The following FAM168A variants were observed in gnomAD, a reference collection of about 807,000 sequenced individuals.
The protein encoded by FAM168A is protein FAM168A.
A neutral mutation model predicts 28.5 loss-of-function variants in FAM168A; 3 were observed. The ratio of observed to expected loss-of-function variants is 0.11; its 90% confidence interval spans 0.05 to 0.27. FAM168A has a LOEUF of 0.27. FAM168A is among the 10% of genes least tolerant of loss of function. The probability of loss-of-function intolerance (pLI) is 1.00; values close to 1 mark genes in which losing one functional copy is unlikely to be tolerated. For synonymous variants in FAM168A, 122 were observed against 124.2 expected (o/e 0.98, Z 0.12); for missense variants, 222 against 311.5 (o/e 0.71, Z 2.16).
At chr11:73,547,337 C>A (rs1943771849) in intron 1 of FAM168A, among the ~76,000 whole-genome samples, 1 of 151,430 alleles carries the variant, frequency 6.6e-6, no homozygotes, top group African/African-American at 2.4e-5. Flanking sequence ...AAAAAAAAAT[C>A]CAAGACAAAA....
At chr11:73,410,278 C>T (rs1219100649) in intron 5 of FAM168A, among the ~76,000 whole-genome samples, 1 of 152,060 alleles carries the variant, frequency 6.6e-6, no homozygotes, top group East Asian at 1.9e-4. Context: ...CATGGTGGCA[C>T]ATGCCTGTGG....
chr11:73,555,509 A>G (rs1943879135), intron 1 of FAM168A, among the ~76,000 whole-genome samples: 2 of 152,104 alleles, frequency 1.3e-5, no homozygotes, highest in African/African-American at 4.8e-5. Flanking sequence ...GCTCGAGACC[A>G]GCCTGGCGAA....
intron 2 of FAM168A, among the ~76,000 whole-genome samples, chr11:73,443,390 G>T (rs925916479): frequency 3.9e-5 from 6 of 152,136 alleles, no homozygotes; most frequent in Non-Finnish European, 8.8e-5. Flanking sequence ...TAATGAGAAA[G>T]ACAAGCAAGA....
intron 1 of FAM168A, among the ~76,000 whole-genome samples, chr11:73,496,779 C>T (rs572970178): frequency 4.1e-4 from 63 of 151,934 alleles, no homozygotes; most frequent in Non-Finnish European, 6.5e-4. Context: ...CCAGGATGGT[C>T]TTGATCTCCT....
chr11:73,427,720 A>G (rs771641948), intron 3 of FAM168A, among the ~76,000 whole-genome samples: 1 of 152,258 alleles, frequency 6.6e-6, no homozygotes, highest in Non-Finnish European at 1.5e-5. Context: ...AAAACATTCA[A>G]TAAATAGTAG....
chr11:73,409,032 GCCAGAGAATGTTTAAA>G (rs1359143928), intron 6 of FAM168A, among the ~76,000 whole-genome samples: 2 of 151,984 alleles, frequency 1.3e-5, no homozygotes, highest in Non-Finnish European at 2.9e-5. Flanking sequence ...CCACTCTGCA[GCCAGAGAATGTTTAAA>G]CCTAACCACA....
chr11:73,533,008 T>C (rs982876584), intron 1 of FAM168A, among the ~76,000 whole-genome samples: 3 of 152,242 alleles, frequency 2.0e-5, no homozygotes, highest in Non-Finnish European at 4.4e-5. Context: ...ACCTTAAGAA[T>C]TTGACCTTCT....
At chr11:73,574,848 G>A (rs1944152975) in intron 1 of FAM168A, among the ~76,000 whole-genome samples, 2 of 150,664 alleles carry the variant, frequency 1.3e-5, no homozygotes, top group African/African-American at 2.4e-5. Context: ...ACAGGTGTGA[G>A]CCACCGTGCC....
At chr11:73,495,592 T>C (rs907539422) in intron 1 of FAM168A, among the ~76,000 whole-genome samples, 3 of 152,162 alleles carry the variant, frequency 2.0e-5, no homozygotes, top group Non-Finnish European at 4.4e-5. Context: ...TTACAACTAA[T>C]ACAATTTAAA....
At chr11:73,559,715 T>C (rs1943935019) in intron 1 of FAM168A, among the ~76,000 whole-genome samples, 1 of 152,248 alleles carries the variant, frequency 6.6e-6, no homozygotes, top group South Asian at 2.1e-4. Context: ...ACAGAGATGG[T>C]TGTTGCACAA....
rs550618958 is a variant in FAM168A, at chr11:73,427,029, C to T, written c.151+3661G>A. ...TTTTTGAGATGGAGTCTCACTCTGTCGGCCCAGGATGGAGTGCAGTGGCGC... is the reference window on the plus strand; with the variant it reads ...TTTTTGAGATGGAGTCTCACTCTGTTGGCCCAGGATGGAGTGCAGTGGCGC... On this transcript the variant is annotated intron_variant, in intron 3 of 7. Transcript: ENST00000356467. Among the ~76,000 whole-genome samples the T allele has an allele frequency of 7.3e-5, 11 of 151,532 alleles. No individual in the cohort carries two copies. The South Asian group carries it at 1.3e-3, about 17-fold the overall frequency.
intron 1 of FAM168A, among the ~76,000 whole-genome samples, chr11:73,477,195 T>C (rs895331459): frequency 1.3e-5 from 2 of 151,772 alleles, no homozygotes; most frequent in Middle Eastern, 3.4e-3. Flanking sequence ...ATGAGAACAA[T>C]AGACACTAGG....
chr11:73,584,606 C>T (rs867413291), intron 1 of FAM168A, among the ~76,000 whole-genome samples: 1 of 151,834 alleles, frequency 6.6e-6, no homozygotes, highest in Non-Finnish European at 1.5e-5. Flanking sequence ...CCGGAATAGC[C>T]GGGACTACAG....
chr11:73,447,429 T>C (rs1039668554), intron 2 of FAM168A, among the ~76,000 whole-genome samples: 2 of 151,840 alleles, frequency 1.3e-5, no homozygotes, highest in Admixed American at 6.6e-5. Context: ...AGTGCGCATC[T>C]GTATTCCCAG....
At chr11:73,448,542 T>C (rs1867366402) in intron 2 of FAM168A, among the ~76,000 whole-genome samples, 1 of 152,220 alleles carries the variant, frequency 6.6e-6, no homozygotes, top group South Asian at 2.1e-4. Flanking sequence ...CCCTTTGCCC[T>C]TACCAAATGC....
intron 1 of FAM168A, among the ~76,000 whole-genome samples, chr11:73,566,366 T>G (rs1944020047): frequency 6.6e-6 from 1 of 152,240 alleles, no homozygotes; most frequent in African/African-American, 2.4e-5. Context: ...TAAAGCAAAC[T>G]TCTTTTATCC....
intron 1 of FAM168A, chr11:73,580,365 C>A (rs1431253940): frequency 3.3e-6 from 2 of 601,676 alleles, no homozygotes; most frequent in South Asian, 1.4e-5. Flanking sequence ...AAAGATAGAG[C>A]CCAGGCCAAA....
At chr11:73,443,991 A>C (rs1020711617) in intron 2 of FAM168A, among the ~76,000 whole-genome samples, 3 of 152,200 alleles carry the variant, frequency 2.0e-5, no homozygotes, top group Non-Finnish European at 2.9e-5. Flanking sequence ...TCAAAAGAAG[A>C]TATTTCCTCC....
intron 1 of FAM168A, among the ~76,000 whole-genome samples, chr11:73,563,305 A>T (rs974930916): frequency 1.2e-4 from 18 of 152,256 alleles, no homozygotes; most frequent in African/African-American, 4.1e-4. Context: ...CTAAGCAACT[A>T]TCCTCTGAGG....
Sources: gnomAD v4.1 joint callset for allele counts (sites outside exome capture counted in the v4.1 genomes callset) on GRCh38, gnomAD v4.1.1 for gene constraint, MANE v1.5 for transcripts, NCBI Gene and HGNC (gene_info 2026-07-23, HGNC 2026-07-21) for gene names.